CC2D2A: variants seen among roughly 807,000 people sequenced by gnomAD.
CC2D2A encodes the protein coiled-coil and C2 domain containing 2A.
A neutral mutation model predicts 212.9 loss-of-function variants in CC2D2A; 155 were observed. The observed-to-expected ratio is 0.73, with a 90% confidence interval of 0.64 to 0.83. CC2D2A has a LOEUF of 0.83. Among genes scored for constraint, CC2D2A ranks in the 40% least tolerant of loss-of-function variants. The pLI is 0.00. For missense variants in CC2D2A, 1,856 were observed against 1,956.2 expected, an observed-to-expected ratio of 0.95 and a Z score of 0.97; for synonymous variants, 667 against 686.5, an observed-to-expected ratio of 0.97 and a Z score of 0.44.
chr4:15,492,381 C>T (rs1000339479), intron 4 of CC2D2A, among the ~76,000 whole-genome samples: 30 of 152,160 alleles, frequency 2.0e-4, no homozygotes, highest in African/African-American at 7.2e-4. Flanking sequence ...CCATTCTCAC[C>T]CCTCATTTTC....
At position 15,570,425 on chromosome 4, in the gene CC2D2A, C is replaced by T; in HGVS notation, c.3523C>T (p.His1175Tyr). 1 of 1,605,508 alleles carries T rather than the reference C, an allele frequency of 6.2e-7. No homozygotes were observed. The highest frequency in any genetic ancestry group is 8.5e-7 in the Non-Finnish European group (1 of 1,174,502). Reference sequence around the variant, plus strand: ...TGACCGTGAAAGAGGAAGTGGAATCCATACTCGTATTGAGAGACACTGGCT... The same window carrying T: ...TGACCGTGAAAGAGGAAGTGGAATCTATACTCGTATTGAGAGACACTGGCT... ...EDDRERGSGI[H>Y]TRIERHWLGC... The change falls in exon 28 of 37, where the codon CAT becomes TAT. Residue 1175 changes from histidine to tyrosine, a missense_variant. By Grantham distance (83) the His-to-Tyr change is moderately conservative. This residue lies in a region of CC2D2A where 1,512 missense variants were observed against 1,579.3 expected (regional missense o/e 0.96). Coordinates refer to ENST00000424120, the MANE Select transcript of CC2D2A (RefSeq NM_001378615.1).
At chr4:15,524,447 A>ATTTTT (rs71179636) in intron 11 of CC2D2A, among the ~76,000 whole-genome samples, 1 of 89,984 alleles carries the variant, frequency 1.1e-5, no homozygotes. Context: ...AAAATTTTTA[A>ATTTTT]TTTTTTTTTT....
At chr4:15,550,401 T>C (rs1718935713) in intron 17 of CC2D2A, among the ~76,000 whole-genome samples, 1 of 152,212 alleles carries the variant, frequency 6.6e-6, no homozygotes, top group African/African-American at 2.4e-5. Context: ...TCCGACTGAC[T>C]TGGAGATTGG....
At chr4:15,553,917 A>C (rs1312113378) in intron 19 of CC2D2A, among the ~76,000 whole-genome samples, 1 of 152,162 alleles carries the variant, frequency 6.6e-6, no homozygotes, top group Non-Finnish European at 1.5e-5. Flanking sequence ...TCATTTCACC[A>C]TTCCAGGCCT....
intron 4 of CC2D2A, among the ~76,000 whole-genome samples, chr4:15,500,013 A>T (rs778804931): frequency 3.1e-4 from 47 of 151,742 alleles, no homozygotes; most frequent in Non-Finnish European, 5.0e-4. Flanking sequence ...TGAGAAACGC[A>T]TAACTGAGTA....
At chr4:15,483,333 G>C (rs540120838) in intron 4 of CC2D2A, among the ~76,000 whole-genome samples, 2 of 152,318 alleles carry the variant, frequency 1.3e-5, no homozygotes, top group South Asian at 4.2e-4. Context: ...TCTGCATGGG[G>C]AACTGTAGGG....
intron 6 of CC2D2A, among the ~76,000 whole-genome samples, chr4:15,507,450 T>G (rs1716324451): frequency 6.6e-6 from 1 of 152,150 alleles, no homozygotes; most frequent in Admixed American, 6.5e-5. Flanking sequence ...TACCTCCAGG[T>G]TTCATTCCAG....
At chr4:15,564,782 AT>A (rs1300921401) in intron 24 of CC2D2A, among the ~76,000 whole-genome samples, 2 of 151,954 alleles carry the variant, frequency 1.3e-5, no homozygotes, top group Non-Finnish European at 2.9e-5. Flanking sequence ...GGCTCAAGTG[AT>A]CCTCCCATCT....
chr4:15,501,015 C>T (rs1359555547), intron 4 of CC2D2A, among the ~76,000 whole-genome samples: 2 of 152,140 alleles, frequency 1.3e-5, no homozygotes, highest in African/African-American at 2.4e-5. Context: ...CCCAGTCTGA[C>T]TTCCCGTCTC....
Position 15,514,810 on chromosome 4 carries a change from G to T in CC2D2A, c.821G>T (p.Ser274Ile). ...GCAGTCAGACCTGCAGATTATGAAA[G>T]CATCCATGATCGGCTGCAGATGGAA... Reference protein sequence around the residue: ...FVAVRPADYESIHDRLQMERE... With the variant: ...FVAVRPADYEIIHDRLQMERE... The change falls in exon 9 of 37, where the codon AGC becomes ATC. Residue 274 changes from serine to isoleucine, a missense_variant. By Grantham distance (142) the Ser-to-Ile change is moderately radical (BLOSUM62 -2). This residue lies in a region of CC2D2A where 1,512 missense variants were observed against 1,579.3 expected (regional missense o/e 0.96). Transcript: ENST00000424120. The T allele has an allele frequency of 1.2e-6, 2 of 1,613,930 alleles. No individual in the cohort carries two copies. The highest frequency in any genetic ancestry group is 2.2e-5 in the South Asian group (2 of 91,076).
intron 9 of CC2D2A, among the ~76,000 whole-genome samples, chr4:15,515,460 T>C (rs1023204533): frequency 6.6e-6 from 1 of 152,254 alleles, no homozygotes; most frequent in Non-Finnish European, 1.5e-5. Context: ...CCTCATACTT[T>C]ACCTCATTTA....
Position 15,589,602 on chromosome 4 carries a change from TG to T in CC2D2A, c.4238del (p.Cys1413SerfsTer15). The T allele has an allele frequency of 6.2e-7, 1 of 1,612,910 alleles. No homozygotes were observed. The highest frequency in any genetic ancestry group is 8.5e-7 in the Non-Finnish European group (1 of 1,179,210). On this transcript the variant is annotated frameshift_variant, in exon 33 of 37. Coordinates refer to ENST00000424120, the MANE Select transcript of CC2D2A (RefSeq NM_001378615.1). LOFTEE classifies it high-confidence loss of function. ...AGGTCGTTATTTAATATGGAATCCCTGCAGTGGACATTTTTATGGACAATTT... is the reference window on the plus strand; with the variant it reads ...AGGTCGTTATTTAATATGGAATCCCTCAGTGGACATTTTTATGGACAATTT... ...EQGRYLIWNPCSGHFYGQFDT... is the reference protein window; with the variant it reads ...EQGRYLIWNPXSGHFYGQFDT...
chr4:15,493,891 T>C (rs1012617607), intron 4 of CC2D2A, among the ~76,000 whole-genome samples: 1 of 152,206 alleles, frequency 6.6e-6, no homozygotes, highest in Non-Finnish European at 1.5e-5. Flanking sequence ...AGTATCCTCT[T>C]AGAAATGAAC....
intron 21 of CC2D2A, 87 bp downstream of exon 21, chr4:15,557,594 G>T: frequency 2.4e-6 from 2 of 827,222 alleles, no homozygotes; most frequent in Non-Finnish European, 1.8e-6. Flanking sequence ...TTTTGTTTTT[G>T]TTATGTTGTC....
At chr4:15,540,143 A>C (rs1344006697) in intron 16 of CC2D2A, among the ~76,000 whole-genome samples, 1 of 152,146 alleles carries the variant, frequency 6.6e-6, no homozygotes, top group African/African-American at 2.4e-5. Context: ...CCCAAAAAAA[A>C]CCTAAGCTTG....
intron 5 of CC2D2A, 59 bp downstream of exon 5, chr4:15,502,576 C>G (rs1716022945): frequency 7.0e-7 from 1 of 1,437,874 alleles, no homozygotes; most frequent in Admixed American, 2.1e-5. Flanking sequence ...CAGGGCTTGT[C>G]TAGCTTACTT....
chr4:15,476,441 T>C (rs938430565), intron 2 of CC2D2A, among the ~76,000 whole-genome samples: 1 of 152,258 alleles, frequency 6.6e-6, no homozygotes, highest in Non-Finnish European at 1.5e-5. Context: ...TACAGAGGTA[T>C]CCTCAAGCCA....
chr4:15,486,498 A>C (rs1026457553), intron 4 of CC2D2A, among the ~76,000 whole-genome samples: 3 of 151,902 alleles, frequency 2.0e-5, no homozygotes, highest in African/African-American at 7.2e-5. Flanking sequence ...CTGTGGTATC[A>C]GTTGTTATGT....
intron 29 of CC2D2A, chr4:15,576,266 C>T: frequency 2.8e-6 from 1 of 359,024 alleles, no homozygotes; most frequent in Middle Eastern, 1.4e-3. Context: ...GCAGAAAACA[C>T]TGCTCAGTGA....
Sources: allele counts gnomAD v4.1 joint callset (sites outside exome capture counted in the v4.1 genomes callset), GRCh38; gene constraint gnomAD v4.1.1; regional missense constraint gnomAD v4.1.1; transcripts MANE v1.5; gene names NCBI Gene and HGNC (gene_info 2026-07-23, HGNC 2026-07-21).